The following PACS2 variants were observed in gnomAD, a reference collection of about 807,000 sequenced individuals.
PACS2 encodes the protein phosphofurin acidic cluster sorting protein 2, also known as PACS1-like protein.
A neutral mutation model predicts 113.0 loss-of-function variants in PACS2; 36 were observed. The ratio of observed to expected loss-of-function variants is 0.32; its 90% confidence interval spans 0.24 to 0.42. The LOEUF is 0.42. PACS2 is among the 10% of genes least tolerant of loss of function. The probability of loss-of-function intolerance (pLI) is 1.00; values close to 1 mark genes in which losing one functional copy is unlikely to be tolerated. For synonymous variants in PACS2, 589 were observed against 536.1 expected (o/e 1.10, Z -1.36); for missense variants, 1,015 against 1,239.5 (o/e 0.82, Z 2.72).
In PACS2 at chr14:105,368,472, A is replaced by G; in HGVS notation, c.674A>G (p.Asp225Gly). The G allele has an allele frequency of 1.2e-6, 2 of 1,613,864 alleles. No homozygotes were observed. The highest frequency in any genetic ancestry group is 2.2e-5 in the South Asian group (2 of 91,082). The change falls in exon 7 of 25, where the codon GAC becomes GGC. Residue 225 changes from aspartate (D) to glycine (G), a missense_variant. Physicochemically the swap from Asp to Gly is moderately conservative, Grantham distance 94. Around this residue, in one of 3 missense-constraint regions of PACS2, gnomAD observed 859 missense variants for 1,056.8 expected, o/e 0.81. Coordinates refer to ENST00000447393, the MANE Select transcript of PACS2 (RefSeq NM_001100913.3). The part of the protein sequence containing the change: ...DAVQGQDLDE[D>G]DFDVGKPKKQ... The stretch of plus-strand genomic sequence containing the variant: ...ATGTCTCTGCAGGACTTGGACGAGG[A>G]CGACTTTGACGTGGGGAAGCCGAAG...
At position 105,365,770 on chromosome 14, in the gene PACS2, C is replaced by T. The variant is rs2060923052; in HGVS notation, c.424-1443C>T. Among the ~76,000 whole-genome samples the T allele has an allele frequency of 6.6e-6, 1 of 152,188 alleles. No individual in the cohort carries two copies. The highest frequency in any genetic ancestry group is 2.4e-5 in the African/African-American group (1 of 41,456). ...GGGCTTCTGAGCTTCCAGGTTCTCACCCCTGTGTGACACTGAGACCCTGCC... is the reference window on the plus strand; with the variant it reads ...GGGCTTCTGAGCTTCCAGGTTCTCATCCCTGTGTGACACTGAGACCCTGCC... On this transcript the variant is annotated intron_variant, in intron 4 of 24. Coordinates refer to ENST00000447393, the MANE Select transcript of PACS2 (RefSeq NM_001100913.3). This position sits in a 1 kb window ranked among gnomAD's most constrained non-coding sequence, Gnocchi z 5.1.
At chr14:105,325,355 TGGAA>T (rs143540122) in intron 1 of PACS2, among the ~76,000 whole-genome samples, 2,177 of 152,170 alleles carry the variant, frequency 0.014, 57 homozygotes, top group African/African-American at 0.05. Flanking sequence ...GGAGGGGACT[TGGAA>T]GGGCCTTCAG....
chr14:105,326,227 C>T (rs1005288921), intron 1 of PACS2, among the ~76,000 whole-genome samples: 4 of 152,202 alleles, frequency 2.6e-5, no homozygotes, highest in East Asian at 1.9e-4. Context: ...GGGGCTCCCC[C>T]GCAGCAGTGG....
chr14:105,325,837 C>G lies in PACS2; in HGVS notation c.119+10800C>G, dbSNP rs149064511. Among the ~76,000 whole-genome samples the G allele has an allele frequency of 7.6e-3, 1,162 of 152,374 alleles. 16 individuals are homozygous for G. Among genetic ancestry groups the G allele is most frequent in the African/African-American group, 0.027 (1,110 of 41,592 alleles). On this transcript the variant is annotated intron_variant, in intron 1 of 24. Transcript: ENST00000447393. ...CAAGCCAATGCTGATGGGAAGGGCC[C>G]TGACCTTGGGCTGCTGTCCTGCGAG...
At chr14:105,391,324 C>A in intron 21 of PACS2, 75 bp downstream of exon 21, 1 of 1,115,516 alleles carries the variant, frequency 9.0e-7, no homozygotes, top group Non-Finnish European at 1.4e-6. Flanking sequence ...TCGAGTCCTG[C>A]AGACCAGATC....
chr14:105,391,901 G>T, intron 22 of PACS2, 135 bp downstream of exon 22: 1 of 920,138 alleles, frequency 1.1e-6, no homozygotes, highest in Non-Finnish European at 1.6e-6. Context: ...GAGGGGCTCT[G>T]CAGGACGGCT....
rs782341148 is a variant in PACS2 at position 105,369,877 on chromosome 14, C to T, written c.778C>T (p.Arg260Trp). 2.5e-6 allele frequency: 4 copies of T among 1,604,478 alleles called. No individual in the cohort carries two copies. The highest frequency in any genetic ancestry group is 3.4e-6 in the Non-Finnish European group (4 of 1,178,290). The change falls in exon 8 of 25, where the codon CGG (arginine) becomes TGG (tryptophan). Residue 260 changes from arginine (R) to tryptophan (W), a missense_variant. Transcript: ENST00000447393. ...CAAGCAGAAAGTGGTAGCGCTGCTG[C>T]GGAGGTTCAAAGTGTCCGACGAGGT... The part of the protein sequence containing the change: ...NFKQKVVALL[R>W]RFKVSDEVLD...
intron 8 of PACS2, among the ~76,000 whole-genome samples, chr14:105,373,189 G>A (rs79851255): frequency 0.03 from 4,568 of 152,314 alleles, 268 homozygotes; most frequent in African/African-American, 0.11. Flanking sequence ...ATTCAAGTGC[G>A]TATCAGATTC....
chr14:105,383,820 C>T (rs1301402117), intron 16 of PACS2: 4 of 388,386 alleles, frequency 1.0e-5, no homozygotes, highest in Admixed American at 4.4e-5. Context: ...TGGGTGTCTC[C>T]TCCATCAGTC....
At chr14:105,380,442 C>A (rs782616773) in intron 11 of PACS2, among the ~76,000 whole-genome samples, 109 of 150,922 alleles carry the variant, frequency 7.2e-4, no homozygotes, top group Non-Finnish European at 1.3e-3. Flanking sequence ...CTCCCCCCAC[C>A]CTCAGGGTCA....
chr14:105,367,942 G>A, intron 5 of PACS2, 132 bp from the exon 6 acceptor site: 1 of 684,762 alleles, frequency 1.5e-6, no homozygotes, highest in Non-Finnish European at 2.7e-6. Context: ...TGTGTCTGGA[G>A]CCCCTCTGTC....
At chr14:105,381,186 TC>T in intron 12 of PACS2, 87 bp downstream of exon 12, 1 of 1,221,498 alleles carries the variant, frequency 8.2e-7, no homozygotes, top group Non-Finnish European at 1.2e-6. Context: ...TGGGTGCGTG[TC>T]AGTCCATCCT....
chr14:105,380,452 A>G (rs1286464759), intron 11 of PACS2, among the ~76,000 whole-genome samples: 5 of 130,438 alleles, frequency 3.8e-5, no homozygotes, highest in African/African-American at 1.5e-4. Flanking sequence ...CCTCAGGGTC[A>G]GGGCAGCTGG....
At chr14:105,343,591 T>A (rs2059813400) in intron 1 of PACS2, among the ~76,000 whole-genome samples, 1 of 152,212 alleles carries the variant, frequency 6.6e-6, no homozygotes, top group African/African-American at 2.4e-5. Context: ...CTCGTTTGGT[T>A]TTAATTTGCA....
At chr14:105,326,699 G>A (rs2059122404) in intron 1 of PACS2, among the ~76,000 whole-genome samples, 1 of 152,214 alleles carries the variant, frequency 6.6e-6, no homozygotes, top group Admixed American at 6.5e-5. Flanking sequence ...GTGTGGCCTA[G>A]CCAGGGAGGG....
Position 105,383,447 on chromosome 14 carries a change from G to T in PACS2, c.1714G>T (p.Val572Leu). ...CCTCAGTGCCATCCTGCGGCTCTTT[G>T]TGGAGCAGCTGTCCCACAAGACACC... ...HYLSAILRLF[V>L]EQLSHKTPDW... Residue 572 changes from valine to leucine, a missense_variant, in exon 16 of 25, where the codon GTG (valine) becomes TTG (leucine). By Grantham distance (32) the Val-to-Leu change is conservative (BLOSUM62 1). Coordinates refer to ENST00000447393, the MANE Select transcript of PACS2 (RefSeq NM_001100913.3). 2 of 1,609,506 alleles carry T rather than the reference G, an allele frequency of 1.2e-6. No homozygotes were observed. The highest frequency in any genetic ancestry group is 1.7e-6 in the Non-Finnish European group (2 of 1,179,696).
chr14:105,362,373 C>T (rs1427899386), intron 4 of PACS2, among the ~76,000 whole-genome samples: 9 of 148,664 alleles, frequency 6.1e-5, no homozygotes, highest in Admixed American at 2.7e-4. Flanking sequence ...GCCGAGATCG[C>T]GCCACTGCAC....
At chr14:105,345,262 C>T (rs1249638207) in intron 1 of PACS2, among the ~76,000 whole-genome samples, 11 of 151,978 alleles carry the variant, frequency 7.2e-5, no homozygotes, top group African/African-American at 2.7e-4. Flanking sequence ...AAAAAATTAG[C>T]TGGGTGTGAT....
intron 9 of PACS2, among the ~76,000 whole-genome samples, 182 bp downstream of exon 9, chr14:105,377,107 C>G (rs953293300): frequency 6.6e-6 from 1 of 152,204 alleles, no homozygotes; most frequent in Non-Finnish European, 1.5e-5. Context: ...CAGGCCCAGG[C>G]TACGGCTGCA....
Sources: gnomAD v4.1 joint callset for allele counts (sites outside exome capture counted in the v4.1 genomes callset) on GRCh38, gnomAD v4.1.1 for gene constraint, gnomAD v4.1.1 regional missense constraint, Gnocchi (gnomAD v3.1) non-coding constraint, MANE v1.5 for transcripts, NCBI Gene and HGNC (gene_info 2026-07-23, HGNC 2026-07-21) for gene names.